The following SP3 variants were observed in gnomAD, a reference collection of about 807,000 sequenced individuals.
The protein encoded by SP3 is Sp3 transcription factor.
Under a neutral mutation model 70.3 loss-of-function variants are expected in SP3, and 10 were observed. The observed-to-expected ratio is 0.14, with a 90% CI of 0.09 to 0.24. The LOEUF is 0.24. SP3 is among the 10% of genes least tolerant of loss of function. The pLI is 1.00. For synonymous variants in SP3, 402 were observed against 333.5 expected, an observed-to-expected ratio of 1.21 and a Z score of -2.24; for missense variants, 825 against 914.6, an observed-to-expected ratio of 0.90 and a Z score of 1.26.
chr2:173,963,670 G>T, intron 3 of SP3, 91 bp downstream of exon 3: 1 of 340,096 alleles, frequency 2.9e-6, no homozygotes, highest in Non-Finnish European at 4.2e-6. Flanking sequence ...GGGAAGCGCG[G>T]GCGCCGGGGA....
In SP3 at chr2:173,905,338, T is replaced by A. The variant is rs2105447471; in HGVS notation, c.*4603A>T. The stretch of plus-strand genomic sequence containing the variant: ...TCAGGCACTATGCTGAATGCTTATA[T>A]TTTAATACAACAATCCTATCAACAG... On this transcript the variant is annotated 3_prime_UTR_variant, in exon 7 of 7. Transcript: ENST00000310015. Among the ~76,000 whole-genome samples the A allele has an allele frequency of 6.6e-6, 1 of 152,332 alleles. No individual in the cohort carries two copies. The highest frequency in any genetic ancestry group is 2.4e-5 in the African/African-American group (1 of 41,566).
At chr2:173,942,021 T>C (rs1690383856) in intron 4 of SP3, among the ~76,000 whole-genome samples, 1 of 152,212 alleles carries the variant, frequency 6.6e-6, no homozygotes, top group South Asian at 2.1e-4. Context: ...AGACCCTGCA[T>C]TTAAAAAGTC....
At chr2:173,917,197 C>A (rs188999665) in intron 5 of SP3, among the ~76,000 whole-genome samples, 2 of 151,996 alleles carry the variant, frequency 1.3e-5, no homozygotes, top group Admixed American at 6.6e-5. Flanking sequence ...GCCAGGCCTC[C>A]GTTAGATTTG....
At position 173,963,839 on chromosome 2, in the gene SP3, G is replaced by A. The variant is rs1691170317; in HGVS notation, c.201C>T (p.Ser67=). 2.7e-6 allele frequency: 4 copies of A among 1,500,926 alleles called. No individual in the cohort carries two copies. The highest frequency in any genetic ancestry group is 2.7e-6 in the Non-Finnish European group (3 of 1,120,682). 93.0% of individuals were successfully genotyped at this position (1,500,926 alleles called of 1,614,324 possible). ...CGCCCGGCGATGGCGGCCCTATCTTGCTGCAGGTAGCGGCCAGCAGAGCGA... is the reference window on the plus strand; with the variant it reads ...CGCCCGGCGATGGCGGCCCTATCTTACTGCAGGTAGCGGCCAGCAGAGCGA... ...SPLALLAATC[S]KIGPPSPGDD... Residue 67 remains serine, a synonymous_variant, in exon 3 of 7, where the codon AGC becomes AGT. Transcript: ENST00000310015.
At chr2:173,910,329 C>G in intron 6 of SP3, 72 bp from the exon 7 acceptor site, 1 of 1,340,214 alleles carries the variant, frequency 7.5e-7, no homozygotes, top group Non-Finnish European at 1.1e-6. Context: ...TCCCCCAAAA[C>G]AGAAAGTAAG....
rs1459252351 is a variant in SP3, at chr2:173,964,527, C to T, written c.34G>A (p.Glu12Lys). 2.9e-6 allele frequency: 2 copies of T among 685,314 alleles called. No individual in the cohort carries two copies. Among genetic ancestry groups the T allele is most frequent in the African/African-American group, 1.9e-5 (1 of 53,996 alleles). 42.5% of individuals were successfully genotyped at this position (685,314 alleles called of 1,614,324 possible). A position where few individuals can be genotyped will look rare whatever the true frequency, so the allele number is the denominator to read the frequency against. The part of the protein sequence containing the change: ...TAPEKPVKQE[E>K]MAALDVDSGG... Reference sequence around the variant, plus strand: ...CTATCCACGTCCAAGGCAGCCATTTCCTCTTGTTTCACGGGCTTTTCGGGA... The same window carrying T: ...CTATCCACGTCCAAGGCAGCCATTTTCTCTTGTTTCACGGGCTTTTCGGGA... The change falls in exon 2 of 7, where the codon GAA becomes AAA. Residue 12 changes from glutamate (E) to lysine (K), a missense_variant. Glu to Lys is a moderately conservative substitution (Grantham distance 56, BLOSUM62 1). Coordinates refer to ENST00000310015, the MANE Select transcript of SP3 (RefSeq NM_003111.5).
Position 173,940,623 on chromosome 2 carries a change from T to C in SP3, c.1639+14250A>G, listed in dbSNP as rs142239778. On this transcript the variant is annotated intron_variant, in intron 4 of 6. Transcript: ENST00000310015. ...GAACTTTCCACCAGGAAACAGAAGATTGAAGTTTGCATGTGTGCCCAGCAG... is the reference window on the plus strand; with the variant it reads ...GAACTTTCCACCAGGAAACAGAAGACTGAAGTTTGCATGTGTGCCCAGCAG... Among the ~76,000 whole-genome samples, 132 of 152,296 alleles carry C rather than the reference T, an allele frequency of 8.7e-4. No individual in the cohort carries two copies. The East Asian group carries it at 0.018, about 20-fold the overall frequency.
At position 173,910,050 on chromosome 2, in the gene SP3, G is replaced by A; in HGVS notation, c.2237C>T (p.Ser746Leu). The A allele has an allele frequency of 1.2e-6, 2 of 1,613,122 alleles. No individual in the cohort carries two copies. Among genetic ancestry groups the A allele is most frequent in the Non-Finnish European group, 1.7e-6 (2 of 1,179,600 alleles). The part of the protein sequence containing the change: ...ILANIQQGSV[S>L]GIGTVNTSAT... ...GGAAGTATTAACAGTTCCTATCCCT[G>A]AAACAGAACCTTGTTGAATATTTGC... Residue 746 changes from serine (S) to leucine (L), a missense_variant, in exon 7 of 7, where the codon TCA becomes TTA. Coordinates refer to ENST00000310015, the MANE Select transcript of SP3 (RefSeq NM_003111.5).
chr2:173,942,312 T>C (rs895961818), intron 4 of SP3, among the ~76,000 whole-genome samples: 1 of 152,216 alleles, frequency 6.6e-6, no homozygotes, highest in African/African-American at 2.4e-5. Context: ...AAGCCTGTAA[T>C]CCCAGCACTT....
At chr2:173,954,803 T>G in intron 4 of SP3, 70 bp downstream of exon 4, 9 of 1,460,794 alleles carry the variant, frequency 6.2e-6, no homozygotes, top group Non-Finnish European at 8.4e-6. Context: ...GATAAATACC[T>G]AAAGCAAAAA....
At chr2:173,947,292 C>A (rs1300725311) in intron 4 of SP3, among the ~76,000 whole-genome samples, 1 of 152,122 alleles carries the variant, frequency 6.6e-6, no homozygotes, top group East Asian at 1.9e-4. Context: ...TCAATCTATC[C>A]TCCATGTCTT....
chr2:173,954,763 G>A (rs1432167983), intron 4 of SP3, 110 bp downstream of exon 4: 18 of 910,304 alleles, frequency 2.0e-5, no homozygotes, highest in Non-Finnish European at 3.0e-5. Context: ...TACAAACATT[G>A]ATCATTAATT....
intron 4 of SP3, among the ~76,000 whole-genome samples, chr2:173,946,117 A>C (rs1690527221): frequency 6.6e-6 from 1 of 152,118 alleles, no homozygotes; most frequent in Non-Finnish European, 1.5e-5. Context: ...ACAGAGCAAG[A>C]TACGGTCTCA....
chr2:173,932,929 T>C (rs946569586), intron 4 of SP3, among the ~76,000 whole-genome samples: 3 of 152,106 alleles, frequency 2.0e-5, no homozygotes, highest in Non-Finnish European at 2.9e-5. Context: ...GAGGCAGAGC[T>C]TGCAGTGAGC....
chr2:173,931,716 T>C (rs192744409), intron 4 of SP3, among the ~76,000 whole-genome samples: 1 of 152,210 alleles, frequency 6.6e-6, no homozygotes, highest in Non-Finnish European at 1.5e-5. Context: ...AGCTTCTACA[T>C]CAGCACTTGC....
Position 173,909,994 on chromosome 2 carries a change from T to C in SP3, c.2293A>G (p.Thr765Ala). ...ATSNQDILTN[T>A]EIPLQLVTVS... Reference sequence around the variant, plus strand: ...GTGACAAGCTGTAAAGGTATTTCAGTGTTGGTAAGGATATCTTGATTGCTG... The same window carrying C: ...GTGACAAGCTGTAAAGGTATTTCAGCGTTGGTAAGGATATCTTGATTGCTG... Residue 765 changes from threonine to alanine, a missense_variant, in exon 7 of 7, where the codon ACT becomes GCT. Transcript: ENST00000310015. 1 of 1,613,964 alleles carries C rather than the reference T, an allele frequency of 6.2e-7. No individual in the cohort carries two copies. Among genetic ancestry groups the C allele is most frequent in the South Asian group, 1.1e-5 (1 of 91,070 alleles).
In SP3 at chr2:173,955,425, C is replaced by T. The variant is rs139367357; in HGVS notation, c.1087G>A (p.Val363Ile). The change falls in exon 4 of 7, where the codon GTT (valine) becomes ATT (isoleucine). Residue 363 changes from valine (V) to isoleucine (I), a missense_variant. Transcript: ENST00000310015. ...TNSLTTSSGQ[V>I]HSSDLQGNYI... ...TTTCCCTGAAGATCTGAAGAATGAACCTGCCCACTAGATGTAGTCAAGCTA... is the reference window on the plus strand; with the variant it reads ...TTTCCCTGAAGATCTGAAGAATGAATCTGCCCACTAGATGTAGTCAAGCTA... 1.3e-5 allele frequency: 21 copies of T among 1,613,936 alleles called. No homozygotes were observed. The highest frequency in any genetic ancestry group is 1.7e-5 in the Non-Finnish European group (20 of 1,180,008).
intron 2 of SP3, chr2:173,964,093 CCGGTCCG>C (rs990616253): frequency 2.3e-5 from 8 of 353,746 alleles, no homozygotes; most frequent in African/African-American, 4.3e-5. Flanking sequence ...CCCCGGCTCC[CCGGTCCG>C]CGGGCAGGCG....
chr2:173,952,272 T>C (rs999478673), intron 4 of SP3, among the ~76,000 whole-genome samples: 3 of 152,172 alleles, frequency 2.0e-5, no homozygotes, highest in Admixed American at 1.3e-4. Context: ...TAAAGACAAT[T>C]CTTATTTTGA....
Sources: allele counts gnomAD v4.1 joint callset (sites outside exome capture counted in the v4.1 genomes callset), GRCh38; gene constraint gnomAD v4.1.1; transcripts MANE v1.5; gene names NCBI Gene and HGNC (gene_info 2026-07-23, HGNC 2026-07-21).